The following ANK2 variants were observed in gnomAD, a reference collection of about 807,000 sequenced individuals.
ANK2 encodes ankyrin-2.
In ANK2, 83 loss-of-function variants were observed where a neutral mutation model predicts 360.5. That is an observed-to-expected ratio of 0.23 (90% CI 0.19 to 0.28). The LOEUF (loss-of-function observed/expected upper bound fraction) is 0.28. Among genes scored for constraint, ANK2 ranks in the 10% least tolerant of loss-of-function variants. The pLI is 1.00. For synonymous variants in ANK2, 1,740 were observed against 1,759.5 expected (o/e 0.99, Z 0.28); for missense variants, 4,201 against 4,795.7 (o/e 0.88, Z 3.66).
chr4:113,328,971 T>C (rs2091457898), intron 26 of ANK2, among the ~76,000 whole-genome samples: 1 of 152,190 alleles, frequency 6.6e-6, no homozygotes, highest in Non-Finnish European at 1.5e-5. Context: ...AATATCTAGG[T>C]GGGACAAATC....
chr4:112,810,991 A>G, the ANK2 span, among the ~76,000 whole-genome samples: 1 of 146,728 alleles, frequency 6.8e-6, no homozygotes, highest in Non-Finnish European at 1.5e-5. Context: ...GCTGGAGGGC[A>G]GTGGCGCGAT....
At chr4:112,960,849 G>A (rs2034438088) in intron 2 of ANK2, among the ~76,000 whole-genome samples, 1 of 151,938 alleles carries the variant, frequency 6.6e-6, no homozygotes, top group African/African-American at 2.4e-5. Flanking sequence ...TGAGGATATT[G>A]AGAGATAGCA....
chr4:112,931,433 CTTTT>C (rs59802557), intron 2 of ANK2, among the ~76,000 whole-genome samples: 2 of 85,266 alleles, frequency 2.3e-5, no homozygotes, highest in African/African-American at 9.4e-5. Context: ...TCTTTCTTTT[CTTTT>C]TTTTTTTTTT....
At chr4:113,336,278 A>T (rs953475034) in intron 30 of ANK2, 8 of 566,398 alleles carry the variant, frequency 1.4e-5, no homozygotes, top group Non-Finnish European at 2.4e-5. Context: ...CCAGCTACAA[A>T]TGTTTTCTTC....
chr4:113,357,596 T>G lies in ANK2; in HGVS notation c.8978T>G (p.Ile2993Arg). Residue 2993 changes from isoleucine to arginine, a missense_variant, in exon 38 of 46, where the codon ATA becomes AGA. Physicochemically the swap from Ile to Arg is moderately conservative, Grantham distance 97. This residue lies in a region of ANK2 where 2,642 missense variants were observed against 2,714.5 expected (regional missense o/e 0.97). Transcript: ENST00000357077. The stretch of plus-strand genomic sequence containing the variant: ...GAATCTAATTTTGAGGGCCAGGACA[T>G]AAAAATGGAATCCCAACAGGAAAGT... ...SKESNFEGQD[I>R]KMESQQESTL... is the part of the protein sequence containing the mutation. 2.5e-6 allele frequency: 4 copies of G among 1,614,076 alleles called. No homozygotes were observed. The highest frequency in any genetic ancestry group is 2.5e-6 in the Non-Finnish European group (3 of 1,179,966).
intron 23 of ANK2, among the ~76,000 whole-genome samples, chr4:113,306,004 G>T (rs1406965539): frequency 6.6e-6 from 1 of 152,128 alleles, no homozygotes; most frequent in Non-Finnish European, 1.5e-5. Context: ...AGGCTAATTT[G>T]CTGTATACAC....
chr4:112,992,989 T>G (rs1399152640), intron 2 of ANK2, among the ~76,000 whole-genome samples: 1 of 152,122 alleles, frequency 6.6e-6, no homozygotes, highest in Non-Finnish European at 1.5e-5. Flanking sequence ...TTATTTAAAA[T>G]ATTTAGTGTG....
chr4:113,074,447 A>T (rs1472383921), intron 1 of ANK2, among the ~76,000 whole-genome samples: 1 of 152,206 alleles, frequency 6.6e-6, no homozygotes, highest in Admixed American at 6.5e-5. Context: ...TCATGTGCAT[A>T]ATATGTAATT....
At chr4:112,886,771 G>T (rs1016695035) in intron 1 of ANK2, among the ~76,000 whole-genome samples, 5 of 151,982 alleles carry the variant, frequency 3.3e-5, no homozygotes, top group African/African-American at 1.2e-4. Context: ...CTGCCTTCCA[G>T]AAAAAAAGCT....
intron 2 of ANK2, among the ~76,000 whole-genome samples, chr4:112,968,302 C>A (rs941464739): frequency 6.6e-6 from 1 of 152,140 alleles, no homozygotes; most frequent in Admixed American, 6.5e-5. Flanking sequence ...GGGTCTCTGG[C>A]TCGGACATCT....
intron 7 of ANK2, among the ~76,000 whole-genome samples, chr4:113,239,897 A>G (rs2038773874): frequency 6.6e-6 from 1 of 152,120 alleles, no homozygotes; most frequent in Admixed American, 6.5e-5. Flanking sequence ...TAATTATTTC[A>G]TCATGACAAC....
At chr4:112,715,660 C>T in the ANK2 span, among the ~76,000 whole-genome samples, 4 of 152,298 alleles carry the variant, frequency 2.6e-5, no homozygotes, top group South Asian at 6.2e-4. Context: ...ATTGTTCAGT[C>T]GCCTTGTACT....
chr4:112,738,931 G>A, the ANK2 span: 1 of 709,576 alleles, frequency 1.4e-6, no homozygotes, highest in South Asian at 1.3e-5. Context: ...GCTTCCGCAA[G>A]TTCCTGGTCC....
At chr4:112,802,364 G>A in the ANK2 span, among the ~76,000 whole-genome samples, 37 of 152,316 alleles carry the variant, frequency 2.4e-4, no homozygotes, top group African/African-American at 8.4e-4. Context: ...AAAGGAAGGA[G>A]CATGCAGCTT....
the ANK2 span, among the ~76,000 whole-genome samples, chr4:112,707,881 G>C: frequency 3.1e-3 from 466 of 152,304 alleles, 2 homozygotes; most frequent in Middle Eastern, 6.8e-3. Flanking sequence ...ATAATTAAAA[G>C]CTGTGTAAAA....
chr4:113,264,313 A>G (rs2054683225), intron 13 of ANK2, among the ~76,000 whole-genome samples: 1 of 152,212 alleles, frequency 6.6e-6, no homozygotes, highest in African/African-American at 2.4e-5. Context: ...GATCTTCAGC[A>G]TCTAGTTTCT....
chr4:113,015,118 A>G lies in ANK2; in HGVS notation c.21+110604A>G, dbSNP rs562802975. 1.1e-3 allele frequency among the ~76,000 whole-genome samples: 166 copies of G among 152,026 alleles called. No homozygotes were observed. In the South Asian group the frequency reaches 0.011, roughly 10 times the overall value. The stretch of plus-strand genomic sequence containing the variant: ...CATGATCCGCCCGCCTCTGCCTCCC[A>G]AAGTGCTGGGATTACAGGCGTGAGC... On this transcript the variant is annotated intron_variant, in intron 2 of 30. Transcript: ENST00000503271.
rs28531958 is a variant in ANK2, at chr4:112,956,878, T to C, written c.21+52364T>C. Among the ~76,000 whole-genome samples, 154 of 152,296 alleles carry C rather than the reference T, an allele frequency of 1.0e-3. 1 individual carries two copies. Among genetic ancestry groups the C allele is most frequent in the African/African-American group, 3.5e-3 (146 of 41,556 alleles). On this transcript the variant is annotated intron_variant, in intron 2 of 30. Transcript: ENST00000503271. ...AAGTGGGTAAAGATGTTAAGTGTTC[T>C]GGGTATTAATTCAACTTAATGTAAG...
chr4:112,707,560 G>A, the ANK2 span, among the ~76,000 whole-genome samples: 1 of 152,046 alleles, frequency 6.6e-6, no homozygotes, highest in South Asian at 2.1e-4. Flanking sequence ...ATCTGTATTT[G>A]TGATAGTTAT....
Sources: allele counts gnomAD v4.1 joint callset (sites outside exome capture counted in the v4.1 genomes callset), GRCh38; gene constraint gnomAD v4.1.1; regional missense constraint gnomAD v4.1.1; transcripts MANE v1.5; gene names NCBI Gene and HGNC (gene_info 2026-07-23, HGNC 2026-07-21).